CDKL4: variants seen among roughly 807,000 people sequenced by gnomAD.
CDKL4 encodes the protein cyclin dependent kinase like 4, also known as cyclin-dependent kinase-like 4.
In CDKL4, 44 loss-of-function variants were observed where a neutral mutation model predicts 42.0. The ratio of observed to expected loss-of-function variants is 1.05; its 90% CI spans 0.82 to 1.35. The LOEUF (loss-of-function observed/expected upper bound fraction) is 1.35, where lower values mean the gene tolerates loss of function less well. CDKL4 is among the 40% of genes most tolerant of loss of function. CDKL4 has a pLI of 0.00. For missense variants in CDKL4, 393 were observed against 369.9 expected (o/e 1.06, Z -0.51); for synonymous variants, 120 against 121.6 (o/e 0.99, Z 0.09).
chr2:39,225,898 A>T, exon 3 of CDKL4: 1 of 1,612,006 alleles, frequency 6.2e-7, no homozygotes, highest in Non-Finnish European at 8.5e-7. Context: ...CAAAAACTAA[A>T]TGCATTTTCC....
rs184196645 is a variant in CDKL4 at position 39,188,390 on chromosome 2, G to A, written c.653-681C>T. On this transcript the variant is annotated intron_variant, in intron 6 of 9. Transcript: ENST00000451199. ...ATCCTGGCCAACATGGTGAAACCCC[G>A]TCTCTACTAAAAATACAAAAAATTA... 3.1e-3 allele frequency among the ~76,000 whole-genome samples: 472 copies of A among 151,526 alleles called. 5 individuals are homozygous for A. Among genetic ancestry groups the A allele is most frequent in the Non-Finnish European group, 1.2e-3 (80 of 67,866 alleles).
At chr2:39,184,722 ATGTGTGTG>A (rs141702509) in intron 7 of CDKL4, 75 bp from the exon 8 acceptor site, 3 of 760,910 alleles carry the variant, frequency 3.9e-6, no homozygotes, top group East Asian at 2.7e-5. Context: ...GTGCGTATGT[ATGTGTGTG>A]TGTGTGTGTG....
At chr2:39,180,693 T>A (rs1675390302) in intron 8 of CDKL4, among the ~76,000 whole-genome samples, 1 of 150,728 alleles carries the variant, frequency 6.6e-6, no homozygotes, top group South Asian at 2.1e-4. Flanking sequence ...AGACTTTTTT[T>A]TTTTTTTTTT....
chr2:39,241,349 C>A (rs1482583199), intron 1 of CDKL4, among the ~76,000 whole-genome samples: 1 of 152,154 alleles, frequency 6.6e-6, no homozygotes, highest in African/African-American at 2.4e-5. Context: ...GAGTTTATTA[C>A]ACTCTTATTG....
At position 39,177,367 on chromosome 2, in the gene CDKL4, G is replaced by A. The variant is rs541569190; in HGVS notation, c.928-1271C>T. 1.4e-4 allele frequency among the ~76,000 whole-genome samples: 22 copies of A among 151,820 alleles called. No homozygotes were observed. The East Asian group carries it at 3.9e-3, about 27-fold the overall frequency. On this transcript the variant is annotated intron_variant, in intron 9 of 9. Transcript: ENST00000451199. ...TCCAGCTGGGGCAGCTGACACTGTG[G>A]ACCCTCCCAGGCCAGTGTTGGGGGG...
At chr2:39,231,253 G>A (rs1335249892) in intron 1 of CDKL4, among the ~76,000 whole-genome samples, 2 of 151,488 alleles carry the variant, frequency 1.3e-5, no homozygotes, top group East Asian at 3.9e-4. Context: ...CAAAAAGAAT[G>A]TATAATTCGA....
At chr2:39,178,500 A>C (rs1218474904) in intron 9 of CDKL4, 1 of 1,485,790 alleles carries the variant, frequency 6.7e-7, no homozygotes, top group Non-Finnish European at 9.2e-7. Context: ...CCGGGTTTAC[A>C]AGGTGAGAAA....
At chr2:39,193,171 C>T (rs920220072) in intron 5 of CDKL4, among the ~76,000 whole-genome samples, 4 of 147,478 alleles carry the variant, frequency 2.7e-5, no homozygotes, top group Non-Finnish European at 4.5e-5. Flanking sequence ...TGGTGGCTCA[C>T]GCCTGTAATC....
At chr2:39,174,265 G>A (rs1309626376), downstream of CDKL4, among the ~76,000 whole-genome samples, 1 of 151,952 alleles carries the variant, frequency 6.6e-6, no homozygotes, top group Non-Finnish European at 1.5e-5. Context: ...AATTAGCCAG[G>A]TGTGGTGGCA....
intron 3 of CDKL4, among the ~76,000 whole-genome samples, chr2:39,214,051 T>C (rs761935559): frequency 1.3e-5 from 2 of 152,032 alleles, no homozygotes; most frequent in East Asian, 3.9e-4. Flanking sequence ...GCTTCCCAAG[T>C]AGCTAGGATT....
chr2:39,226,473 AT>A (rs1678748718), intron 2 of CDKL4, among the ~76,000 whole-genome samples: 1 of 141,928 alleles, frequency 7.0e-6, no homozygotes, highest in Admixed American at 7.3e-5. Flanking sequence ...TATTATATAT[AT>A]ATAATATATA....
intron 1 of CDKL4, among the ~76,000 whole-genome samples, chr2:39,242,591 A>T (rs114058533): frequency 0.022 from 3,376 of 152,302 alleles, 44 homozygotes; most frequent in Middle Eastern, 0.027. Flanking sequence ...GGTTTGCAAA[A>T]TGATGTACAC....
intron 2 of CDKL4, among the ~76,000 whole-genome samples, chr2:39,228,306 A>C (rs2148390832): frequency 6.6e-6 from 1 of 152,258 alleles, no homozygotes; most frequent in Non-Finnish European, 1.5e-5. Context: ...GTAAGAGTGA[A>C]CTTTTTTTTA....
chr2:39,244,028 G>C (rs1326833503), upstream of CDKL4, among the ~76,000 whole-genome samples: 2 of 152,366 alleles, frequency 1.3e-5, no homozygotes, highest in East Asian at 3.9e-4. Flanking sequence ...ACGCTAGGGC[G>C]CGCGGGGCAC....
exon 9 of CDKL4, chr2:39,179,309 T>C: frequency 6.3e-7 from 1 of 1,599,716 alleles, no homozygotes; most frequent in Non-Finnish European, 8.5e-7. Flanking sequence ...TCTGGATTCA[T>C]CTTCAGACAC....
At chr2:39,222,481 T>G (rs547543840) in intron 3 of CDKL4, among the ~76,000 whole-genome samples, 1 of 151,968 alleles carries the variant, frequency 6.6e-6, no homozygotes, top group Non-Finnish European at 1.5e-5. Flanking sequence ...TCCCAGGTAT[T>G]TGGGAGGCTG....
intron 5 of CDKL4, among the ~76,000 whole-genome samples, chr2:39,197,175 T>C (rs1441290639): frequency 6.6e-6 from 1 of 152,058 alleles, no homozygotes; most frequent in Admixed American, 6.6e-5. Flanking sequence ...CTTAGAGAAA[T>C]GCAAAATGCA....
chr2:39,176,138 A>G, intron 9 of CDKL4, 42 bp from the exon 10 acceptor site: 1 of 451,946 alleles, frequency 2.2e-6, no homozygotes, highest in Non-Finnish European at 4.5e-6. Flanking sequence ...CAAATTGAAA[A>G]CAATTCCTAT....
chr2:39,222,940 T>C (rs1678468201), intron 3 of CDKL4, among the ~76,000 whole-genome samples: 1 of 152,196 alleles, frequency 6.6e-6, no homozygotes. Flanking sequence ...TATGAATTAA[T>C]ATGCCATTTT....
Sources: gnomAD v4.1 joint callset for allele counts (sites outside exome capture counted in the v4.1 genomes callset) on GRCh38, gnomAD v4.1.1 for gene constraint, MANE v1.5 for transcripts, NCBI Gene and HGNC (gene_info 2026-07-23, HGNC 2026-07-21) for gene names.